COL22A1: variants seen among roughly 807,000 people sequenced by gnomAD.
COL22A1 encodes collagen alpha-1(XXII) chain.
Under a neutral mutation model 248.9 loss-of-function variants are expected in COL22A1, and 221 were observed. The ratio of observed to expected loss-of-function variants is 0.89; its 90% CI spans 0.80 to 0.99. COL22A1 has a LOEUF of 0.99. Among genes scored for constraint, COL22A1 ranks in the 50% least tolerant of loss-of-function variants. COL22A1 has a pLI of 0.00. For synonymous variants in COL22A1, 891 were observed against 793.4 expected (o/e 1.12, Z -2.07); for missense variants, 2,240 against 2,179.0 (o/e 1.03, Z -0.56).
chr8:138,650,338 T>C (rs1048053301), intron 45 of COL22A1, among the ~76,000 whole-genome samples: 1 of 152,202 alleles, frequency 6.6e-6, no homozygotes, highest in Admixed American at 6.5e-5. Context: ...CTTTATTTTT[T>C]ACCCAAGGCA....
intron 32 of COL22A1, among the ~76,000 whole-genome samples, chr8:138,695,912 C>A (rs774481101): frequency 6.6e-6 from 1 of 152,056 alleles, no homozygotes; most frequent in East Asian, 1.9e-4. Flanking sequence ...GCCAGTGAAC[C>A]AGTGTGGACA....
At chr8:138,907,379 G>A in intron 1 of COL22A1, among the ~76,000 whole-genome samples, 1 of 152,330 alleles carries the variant, frequency 6.6e-6, no homozygotes, top group East Asian at 1.9e-4. Context: ...ATTGGTAGGA[G>A]AATTCAGCTG....
chr8:138,642,150 G>C (rs2130452251), intron 47 of COL22A1, among the ~76,000 whole-genome samples: 1 of 152,252 alleles, frequency 6.6e-6, no homozygotes, highest in Middle Eastern at 3.4e-3. Flanking sequence ...AGCTGTCCTG[G>C]GTGCTGGTGT....
At position 138,882,632 on chromosome 8, in the gene COL22A1, TCA is replaced by T. The variant is rs891558187; in HGVS notation, c.91+448_91+449del. ...CACTCCCACACACTCTTCCTCAAAC[TCA>T]CACACTCTCACACTCCCTCACACAC... On this transcript the variant is annotated intron_variant, in intron 2 of 64. Coordinates refer to ENST00000303045, the MANE Select transcript of COL22A1 (RefSeq NM_152888.3). Among the ~76,000 whole-genome samples the T allele has an allele frequency of 6.2e-4, 62 of 99,706 alleles. No homozygotes were observed. In the East Asian group the frequency reaches 0.022, roughly 36 times the overall value. The allele number at this position is 99,706 out of a possible 152,430, so 65.4% of individuals were successfully genotyped here.
chr8:138,710,315 G>C (rs1403422603), intron 30 of COL22A1, among the ~76,000 whole-genome samples: 1 of 152,134 alleles, frequency 6.6e-6, no homozygotes, highest in East Asian at 1.9e-4. Context: ...ATGGTCCCAG[G>C]GGACAGGTGT....
rs368931383 is a variant in COL22A1, at chr8:138,594,153, C to T, written c.4479G>A (p.Lys1493=). ...GGGGCCCAGGTCTGCCTTGAGATGACTTCATGTACGCCGGGGGCATCTGGG... is the reference window on the plus strand; with the variant it reads ...GGGGCCCAGGTCTGCCTTGAGATGATTTCATGTACGCCGGGGGCATCTGGG... ...LLAQMPPAYM[K]SSQGRPGPPG... The change falls in exon 63 of 65, where the codon AAG becomes AAA. Residue 1493 remains lysine (K), a synonymous_variant. Transcript: ENST00000303045. The T allele has an allele frequency of 3.0e-5, 47 of 1,576,724 alleles. No homozygotes were observed. In the African/African-American group the frequency reaches 6.4e-4, roughly 22 times the overall value.
chr8:138,733,844 G>A (rs1830891290), intron 23 of COL22A1, among the ~76,000 whole-genome samples: 2 of 152,156 alleles, frequency 1.3e-5, no homozygotes, highest in Non-Finnish European at 2.9e-5. Context: ...ACTTGCTTGA[G>A]AGTAGGACCC....
At chr8:138,741,329 G>A (rs1159799102) in intron 22 of COL22A1, among the ~76,000 whole-genome samples, 1 of 152,242 alleles carries the variant, frequency 6.6e-6, no homozygotes. Context: ...AATTGCCGGG[G>A]TGGGGTACAA....
chr8:138,791,114 T>A (rs1815994279), intron 12 of COL22A1, among the ~76,000 whole-genome samples: 1 of 152,220 alleles, frequency 6.6e-6, no homozygotes, highest in African/African-American at 2.4e-5. Flanking sequence ...ACAATAATGA[T>A]GTCTTTCACC....
chr8:138,820,025 T>A (rs917970750), intron 7 of COL22A1, among the ~76,000 whole-genome samples: 2 of 152,048 alleles, frequency 1.3e-5, no homozygotes, highest in South Asian at 4.1e-4. Flanking sequence ...TTAGAAACTA[T>A]CTAAATACCA....
chr8:138,875,865 G>C (rs1823679211), intron 3 of COL22A1, among the ~76,000 whole-genome samples: 1 of 152,182 alleles, frequency 6.6e-6, no homozygotes, highest in African/African-American at 2.4e-5. Flanking sequence ...GAAGTCCACA[G>C]CCAATGCCTT....
chr8:138,593,013 T>C (rs955596287), intron 63 of COL22A1, among the ~76,000 whole-genome samples: 1 of 152,088 alleles, frequency 6.6e-6, no homozygotes, highest in African/African-American at 2.4e-5. Flanking sequence ...GTGGCACATA[T>C]ACACCATGGA....
intron 17 of COL22A1, 38 bp downstream of exon 17, chr8:138,762,375 T>A (rs1347668447): frequency 1.9e-6 from 3 of 1,606,786 alleles, no homozygotes; most frequent in Non-Finnish European, 2.6e-6. Flanking sequence ...CTCTGACCGC[T>A]GATGAAACCT....
intron 40 of COL22A1, among the ~76,000 whole-genome samples, chr8:138,677,128 G>A (rs935296918): frequency 3.9e-5 from 6 of 152,214 alleles, no homozygotes; most frequent in African/African-American, 9.6e-5. Context: ...AAAGGGGACC[G>A]AGATAAGACC....
intron 41 of COL22A1, among the ~76,000 whole-genome samples, chr8:138,671,571 C>T (rs1414294403): frequency 3.9e-5 from 6 of 152,206 alleles, no homozygotes; most frequent in East Asian, 1.9e-4. Flanking sequence ...AGCGTTCTCT[C>T]GCAGATCTTG....
chr8:138,778,537 C>T (rs1814684165), intron 14 of COL22A1, 131 bp from the exon 15 acceptor site: 8 of 751,692 alleles, frequency 1.1e-5, no homozygotes, highest in Non-Finnish European at 1.7e-5. Context: ...GCTGCCCATG[C>T]TGTTGGCACA....
chr8:138,679,524 A>C lies in COL22A1; in HGVS notation c.3072+93T>G. On this transcript the variant is annotated intron_variant, in intron 40 of 64. Transcript: ENST00000303045. ...GCTTCCAAAGCCTACTTATCAACTA[A>C]GACTCAGTCCCATTATTTTGTTGTT... 3.8e-6 allele frequency: 4 copies of C among 1,046,502 alleles called. No homozygotes were observed. The South Asian group carries it at 5.0e-5, about 13-fold the overall frequency. The allele number at this position is 1,046,502 out of a possible 1,614,324, so 64.8% of individuals were successfully genotyped here.
At chr8:138,628,924 C>G (rs1436366657) in intron 50 of COL22A1, among the ~76,000 whole-genome samples, 1 of 151,914 alleles carries the variant, frequency 6.6e-6, no homozygotes, top group Non-Finnish European at 1.5e-5. Context: ...TATCACCACG[C>G]CCAGCTAATT....
intron 22 of COL22A1, 21 bp from the exon 23 acceptor site, chr8:138,737,598 T>C (rs780968445): frequency 1.9e-6 from 3 of 1,573,582 alleles, no homozygotes; most frequent in Non-Finnish European, 2.6e-6. Flanking sequence ...AAGAAGAAGC[T>C]AAAATTAACA....
Sources: allele counts gnomAD v4.1 joint callset (sites outside exome capture counted in the v4.1 genomes callset), GRCh38; gene constraint gnomAD v4.1.1; transcripts MANE v1.5; gene names NCBI Gene and HGNC (gene_info 2026-07-23, HGNC 2026-07-21).